ROBO2: variants seen among roughly 807,000 people sequenced by gnomAD.
ROBO2 encodes roundabout guidance receptor 2, also known as roundabout homolog 2.
Under a neutral mutation model 160.8 loss-of-function variants are expected in ROBO2, and 53 were observed. The observed-to-expected ratio is 0.33, with a 90% CI of 0.26 to 0.41. The LOEUF (loss-of-function observed/expected upper bound fraction) is 0.41, where lower values mean the gene tolerates loss of function less well. Among genes scored for constraint, ROBO2 ranks in the 10% least tolerant of loss-of-function variants. The pLI is 1.00. For synonymous variants in ROBO2, 664 were observed against 611.7 expected, an observed-to-expected ratio of 1.09 and a Z score of -1.26; for missense variants, 1,577 against 1,722.4, an observed-to-expected ratio of 0.92 and a Z score of 1.49.
chr3:76,112,046 C>G (rs1576907018), intron 2 of ROBO2, among the ~76,000 whole-genome samples: 2 of 152,136 alleles, frequency 1.3e-5, no homozygotes, highest in East Asian at 3.9e-4. Flanking sequence ...AAACTTTACT[C>G]TGAGCTAATA....
chr3:77,446,869 A>G (rs1182699333), intron 2 of ROBO2, among the ~76,000 whole-genome samples: 1 of 152,036 alleles, frequency 6.6e-6, no homozygotes, highest in Non-Finnish European at 1.5e-5. Flanking sequence ...CATGGCCCCT[A>G]AATAGTTGTT....
intron 2 of ROBO2, among the ~76,000 whole-genome samples, chr3:76,278,637 AG>A (rs1270047797): frequency 6.6e-6 from 1 of 152,000 alleles, no homozygotes; most frequent in East Asian, 1.9e-4. Context: ...CCCAAGTAAA[AG>A]TTAGAAAGCA....
intron 4 of ROBO2, among the ~76,000 whole-genome samples, chr3:77,487,307 G>T (rs1465951038): frequency 6.6e-6 from 1 of 152,054 alleles, no homozygotes; most frequent in Non-Finnish European, 1.5e-5. Flanking sequence ...AAATACTAAT[G>T]GTGGAATGAA....
At chr3:77,016,461 C>T (rs1392026641) in intron 2 of ROBO2, among the ~76,000 whole-genome samples, 1 of 152,082 alleles carries the variant, frequency 6.6e-6, no homozygotes, top group African/African-American at 2.4e-5. Context: ...GCATTGAAGA[C>T]CCCCTGCCAC....
chr3:77,183,387 G>A (rs2080979150), intron 2 of ROBO2, among the ~76,000 whole-genome samples: 1 of 152,022 alleles, frequency 6.6e-6, no homozygotes. Flanking sequence ...AATGTAACTG[G>A]ATTTGGAGAC....
intron 1 of ROBO2, among the ~76,000 whole-genome samples, chr3:77,067,234 T>G (rs2066953714): frequency 6.6e-6 from 1 of 152,154 alleles, no homozygotes; most frequent in African/African-American, 2.4e-5. Flanking sequence ...CCTCCAAACA[T>G]GTAATAATTT....
At chr3:77,381,547 T>C (rs1018531413) in intron 2 of ROBO2, among the ~76,000 whole-genome samples, 1 of 152,186 alleles carries the variant, frequency 6.6e-6, no homozygotes, top group African/African-American at 2.4e-5. Flanking sequence ...CAGCATCCCT[T>C]CAATGATTTC....
chr3:76,295,610 T>A (rs1396726783), intron 2 of ROBO2, among the ~76,000 whole-genome samples: 3 of 152,150 alleles, frequency 2.0e-5, no homozygotes. Flanking sequence ...CACTATTATG[T>A]TAGAATTTTG....
chr3:75,913,894 A>G (rs1946703121), intron 1 of ROBO2, among the ~76,000 whole-genome samples: 2 of 152,204 alleles, frequency 1.3e-5, no homozygotes, highest in Non-Finnish European at 2.9e-5. Flanking sequence ...TGAATATTTT[A>G]TCTCATGAGT....
intron 2 of ROBO2, among the ~76,000 whole-genome samples, chr3:76,289,989 A>G (rs530933900): frequency 1.3e-5 from 2 of 152,262 alleles, no homozygotes; most frequent in African/African-American, 4.8e-5. Context: ...TTTTGGTTCC[A>G]TATGAGTTTT....
chr3:77,120,384 T>A (rs1204219472), intron 2 of ROBO2, among the ~76,000 whole-genome samples: 1 of 152,160 alleles, frequency 6.6e-6, no homozygotes, highest in Non-Finnish European at 1.5e-5. Context: ...CCTGAAGAGA[T>A]TCAAAGGAAA....
intron 2 of ROBO2, among the ~76,000 whole-genome samples, chr3:77,250,760 A>T (rs752014521): frequency 6.6e-6 from 1 of 152,112 alleles, no homozygotes; most frequent in Non-Finnish European, 1.5e-5. Context: ...GGGAGGGCAA[A>T]CAAGCTCACA....
At chr3:77,109,826 T>G (rs535455944) in intron 2 of ROBO2, among the ~76,000 whole-genome samples, 2 of 152,222 alleles carry the variant, frequency 1.3e-5, no homozygotes, top group African/African-American at 4.8e-5. Flanking sequence ...CCTCACTGAT[T>G]TACTTGAACA....
At position 76,995,165 on chromosome 3, in the gene ROBO2, G is replaced by T. The variant is rs552323070; in HGVS notation, c.110-102849G>T. ...CTTCCTGTGTCCAAGTGTTCTCATT[G>T]TTCAATTCCCACCTATGAGTGAGAA... On this transcript the variant is annotated intron_variant, in intron 2 of 26. Coordinates refer to the ROBO2 transcript ENST00000487694. 5.7e-3 allele frequency among the ~76,000 whole-genome samples: 717 copies of T among 126,886 alleles called. 1 individual carries two copies. The highest frequency in any genetic ancestry group is 0.032 in the Middle Eastern group (6 of 186). 83.2% of individuals were successfully genotyped at this position (126,886 alleles called of 152,430 possible).
chr3:76,263,369 G>A (rs911142393), intron 2 of ROBO2, among the ~76,000 whole-genome samples: 6 of 151,970 alleles, frequency 3.9e-5, no homozygotes, highest in African/African-American at 1.5e-4. Flanking sequence ...TGTGACTACA[G>A]GCATGCACTA....
intron 1 of ROBO2, among the ~76,000 whole-genome samples, chr3:75,923,931 T>TA (rs753926801): frequency 1.3e-5 from 2 of 152,188 alleles, no homozygotes; most frequent in Non-Finnish European, 2.9e-5. Context: ...AGTAATATTT[T>TA]AAAAAGGCCA....
At chr3:76,597,063 T>G (rs749573502) in intron 2 of ROBO2, among the ~76,000 whole-genome samples, 4 of 152,102 alleles carry the variant, frequency 2.6e-5, no homozygotes, top group African/African-American at 4.8e-5. Flanking sequence ...CAGTAAAATT[T>G]TTTTAAAAAA....
At chr3:77,626,563 G>C (rs1258692363) in intron 23 of ROBO2, among the ~76,000 whole-genome samples, 1 of 152,118 alleles carries the variant, frequency 6.6e-6, no homozygotes, top group African/African-American at 2.4e-5. Flanking sequence ...CAAACCGTTG[G>C]GTAACGGGGA....
At chr3:76,368,979 CAA>C (rs2075969325) in intron 2 of ROBO2, among the ~76,000 whole-genome samples, 1 of 151,888 alleles carries the variant, frequency 6.6e-6, no homozygotes, top group South Asian at 2.1e-4. Context: ...GGAAACAAAA[CAA>C]ACTCTCACAA....
Sources: allele counts gnomAD v4.1 joint callset (sites outside exome capture counted in the v4.1 genomes callset), GRCh38; gene constraint gnomAD v4.1.1; transcripts MANE v1.5; gene names NCBI Gene and HGNC (gene_info 2026-07-23, HGNC 2026-07-21).